Variants in ANKAR observed in about 807,000 individuals in gnomAD.
The protein encoded by ANKAR is ankyrin and armadillo repeat-containing protein.
ANKAR carries 136 observed loss-of-function variants against 146.2 expected under a neutral mutation model. The ratio of observed to expected loss-of-function variants is 0.93; its 90% confidence interval spans 0.81 to 1.07. ANKAR has a LOEUF of 1.07. Ranked by LOEUF, ANKAR falls within the 50% of genes least tolerant of loss-of-function variation. The pLI is 0.00. For missense variants in ANKAR, 1,567 were observed against 1,679.9 expected, an observed-to-expected ratio of 0.93 and a Z score of 1.18; for synonymous variants, 500 against 575.8, an observed-to-expected ratio of 0.87 and a Z score of 1.88.
At chr2:189,714,630 A>G (rs1319520361) in intron 10 of ANKAR, among the ~76,000 whole-genome samples, 1 of 152,226 alleles carries the variant, frequency 6.6e-6, no homozygotes, top group Non-Finnish European at 1.5e-5. Context: ...AGGGAAATTT[A>G]TAGCACTAAA....
At chr2:189,721,999 C>G (rs376162523) in intron 12 of ANKAR, among the ~76,000 whole-genome samples, 33 of 152,240 alleles carry the variant, frequency 2.2e-4, no homozygotes, top group African/African-American at 7.2e-4. Context: ...CTTATGCTCT[C>G]TCTGTTCAAG....
At position 189,719,668 on chromosome 2, in the gene ANKAR, G is replaced by C. The variant is rs1469758456; in HGVS notation, c.2321G>C (p.Ser774Thr). The change falls in exon 11 of 23, where the codon AGT (serine) becomes ACT (threonine). Residue 774 changes from serine to threonine, a missense_variant. Coordinates refer to ENST00000684021, the MANE Select transcript of ANKAR (RefSeq NM_001378068.1). ...GLLSNISTHK[S>T]AVHALVEAGG... ...TTGAGTAATATCTCAACCCACAAAA[G>C]TGCAGTGCATGCTTTGGTAGAAGCG... 1.9e-6 allele frequency: 3 copies of C among 1,614,130 alleles called. No individual in the cohort carries two copies. The highest frequency in any genetic ancestry group is 2.5e-6 in the Non-Finnish European group (3 of 1,180,014).
At chr2:189,702,701 T>C (rs2038254853) in intron 7 of ANKAR, among the ~76,000 whole-genome samples, 1 of 152,170 alleles carries the variant, frequency 6.6e-6, no homozygotes, top group Admixed American at 6.5e-5. Context: ...TTTAAATAAA[T>C]AGATTTGGGT....
chr2:189,750,776 G>T, downstream of ANKAR: 1 of 663,402 alleles, frequency 1.5e-6, no homozygotes, highest in Non-Finnish European at 2.4e-6. Context: ...CATCATATGT[G>T]GTGATGATTC....
chr2:189,714,829 C>T (rs1232254304), intron 10 of ANKAR, among the ~76,000 whole-genome samples: 1 of 151,594 alleles, frequency 6.6e-6, no homozygotes, highest in East Asian at 1.9e-4. Context: ...ACCTGTAGTC[C>T]CGGCTACTTG....
chr2:189,720,830 T>G, intron 12 of ANKAR, 43 bp downstream of exon 12: 1 of 1,371,946 alleles, frequency 7.3e-7, no homozygotes, highest in Non-Finnish European at 9.5e-7. Context: ...ACCAGATATA[T>G]TAAGTGAAGC....
At chr2:189,756,409 C>A (rs114730418) in intron 18 of ANKAR, among the ~76,000 whole-genome samples, 47 of 150,702 alleles carry the variant, frequency 3.1e-4, no homozygotes, top group African/African-American at 9.5e-4. Context: ...CTGCTAGTTT[C>A]AAAAAAAAAT....
At chr2:189,689,477 G>C (rs2036100512) in intron 2 of ANKAR, 50 bp from the exon 3 acceptor site, 1 of 1,429,270 alleles carries the variant, frequency 7.0e-7, no homozygotes, top group East Asian at 2.3e-5. Flanking sequence ...TTATCCAGAA[G>C]CCAAATATGA....
At chr2:189,746,708 CAT>C (rs1238844266), downstream of ANKAR, 9 of 1,350,226 alleles carry the variant, frequency 6.7e-6, no homozygotes, top group Admixed American at 6.0e-5. Context: ...ATGCAAATAA[CAT>C]AACTGAATAA....
intron 5 of ANKAR, among the ~76,000 whole-genome samples, chr2:189,693,949 A>G (rs1490507831): frequency 6.6e-6 from 1 of 152,032 alleles, no homozygotes; most frequent in Non-Finnish European, 1.5e-5. Flanking sequence ...AGGTTTTGCC[A>G]TGTTGGTCAG....
At chr2:189,707,452 C>CAAAAAAAAAAA (rs67227035) in intron 9 of ANKAR, among the ~76,000 whole-genome samples, 6 of 72,922 alleles carry the variant, frequency 8.2e-5, no homozygotes, top group African/African-American at 2.2e-4. Context: ...TCTCCTTCAT[C>CAAAAAAAAAAA]AAAAAAAAAA....
At chr2:189,710,691 A>G (rs114294383) in intron 9 of ANKAR, among the ~76,000 whole-genome samples, 5,310 of 152,288 alleles carry the variant, frequency 0.035, 102 homozygotes, top group South Asian at 0.07. Flanking sequence ...AGTCTCAGCT[A>G]CTAGGAAGGC....
At chr2:189,763,010 A>G (rs13418434), downstream of ANKAR, 7,249 of 985,310 alleles carry the variant, frequency 7.4e-3, 419 homozygotes, top group African/African-American at 0.12. Flanking sequence ...TGACTACACA[A>G]CATCAAGTTC....
At chr2:189,691,651 G>A (rs1358403516) in intron 3 of ANKAR, among the ~76,000 whole-genome samples, 1 of 150,384 alleles carries the variant, frequency 6.6e-6, no homozygotes. Flanking sequence ...TAAAACTACA[G>A]AAAGTGCTCA....
chr2:189,708,976 C>A (rs1339231040), intron 9 of ANKAR, among the ~76,000 whole-genome samples: 2 of 152,168 alleles, frequency 1.3e-5, no homozygotes, highest in African/African-American at 4.8e-5. Flanking sequence ...GTGGCACGTG[C>A]CTGTAGTCCT....
rs554652203 is a variant in ANKAR at position 189,746,627 on chromosome 2, A to G, written c.4305A>G (p.Ter1435=). The part of the protein sequence containing the change: ...QKANPEPAEG[*] Reference sequence around the variant, plus strand: ...CCAACCCAGAGCCTGCAGAAGGCTAATAAAACATTTTAGAATGAAAGGATT... The same window carrying G: ...CCAACCCAGAGCCTGCAGAAGGCTAGTAAAACATTTTAGAATGAAAGGATT... Residue 1435 remains the stop codon, a stop_retained_variant, in exon 23 of 23, where the codon TAA becomes TAG. Transcript: ENST00000684021. 1.3e-6 allele frequency: 2 copies of G among 1,574,420 alleles called. No individual in the cohort carries two copies. The highest frequency in any genetic ancestry group is 2.3e-5 in the East Asian group (1 of 44,354).
chr2:189,731,465 C>T (rs2042393920), intron 16 of ANKAR, among the ~76,000 whole-genome samples: 1 of 151,044 alleles, frequency 6.6e-6, no homozygotes, highest in African/African-American at 2.4e-5. Context: ...CCTCCACCTC[C>T]TGGGTTCAAG....
intron 2 of ANKAR, among the ~76,000 whole-genome samples, chr2:189,680,534 G>T (rs1371010258): frequency 6.6e-6 from 1 of 151,752 alleles, no homozygotes; most frequent in East Asian, 1.9e-4. Flanking sequence ...ACCTTAGATT[G>T]TCTATTTGTG....
At chr2:189,729,788 G>A (rs2042245495) in intron 15 of ANKAR, among the ~76,000 whole-genome samples, 1 of 149,748 alleles carries the variant, frequency 6.7e-6, no homozygotes, top group Non-Finnish European at 1.5e-5. Flanking sequence ...CAATATGTAG[G>A]TGACTTCTCT....
Sources: allele counts gnomAD v4.1 joint callset (sites outside exome capture counted in the v4.1 genomes callset), GRCh38; gene constraint gnomAD v4.1.1; transcripts MANE v1.5; gene names NCBI Gene and HGNC (gene_info 2026-07-23, HGNC 2026-07-21).